Variants in IL1RAPL1 observed in about 807,000 individuals in gnomAD.
IL1RAPL1 encodes interleukin-1 receptor accessory protein-like 1.
Under a neutral mutation model 48.4 loss-of-function variants are expected in IL1RAPL1, and 3 were observed. The ratio of observed to expected loss-of-function variants is 0.06; its 90% confidence interval spans 0.03 to 0.16. The LOEUF (loss-of-function observed/expected upper bound fraction) is 0.16, where lower values mean the gene tolerates loss of function less well. Among genes scored for constraint, IL1RAPL1 ranks in the 10% least tolerant of loss-of-function variants. The pLI, the probability that IL1RAPL1 is intolerant of heterozygous loss-of-function variation, is 1.00. For synonymous variants in IL1RAPL1, 185 were observed against 187.7 expected (o/e 0.99, Z 0.12); for missense variants, 349 against 530.6 (o/e 0.66, Z 3.36).
chrX:28,827,629 A>G (rs1184422751), intron 2 of IL1RAPL1, among the ~76,000 whole-genome samples: 2 of 111,753 alleles, frequency 1.8e-5, no homozygotes, highest in Non-Finnish European at 3.8e-5. Flanking sequence ...TTATTTGTAC[A>G]TTTAATTAAT....
intron 3 of IL1RAPL1, among the ~76,000 whole-genome samples, chrX:29,295,750 C>A (rs1258253102): frequency 9.0e-6 from 1 of 111,477 alleles, no homozygotes; most frequent in East Asian, 2.8e-4. Flanking sequence ...AGATGAAACT[C>A]TGTCCATCAT....
intron 2 of IL1RAPL1, among the ~76,000 whole-genome samples, chrX:29,090,350 A>G (rs1160793579): frequency 8.9e-6 from 1 of 111,937 alleles, no homozygotes; most frequent in Non-Finnish European, 1.9e-5. Flanking sequence ...TCCAAATTGT[A>G]TCCTTTTGGA....
intron 2 of IL1RAPL1, among the ~76,000 whole-genome samples, chrX:29,193,523 A>G (rs1015606558): frequency 9.0e-6 from 1 of 111,108 alleles, no homozygotes; most frequent in Non-Finnish European, 1.9e-5. Context: ...CCCCCAATAC[A>G]TCGTAGATCT....
At chrX:28,952,573 T>C (rs1924499202) in intron 2 of IL1RAPL1, among the ~76,000 whole-genome samples, 1 of 111,422 alleles carries the variant, frequency 9.0e-6, no homozygotes, top group African/African-American at 3.2e-5. Flanking sequence ...ATTTTTATGT[T>C]TTTTTTCCAA....
At chrX:29,283,922 T>G (rs2147600504) in intron 3 of IL1RAPL1, among the ~76,000 whole-genome samples, 1 of 112,906 alleles carries the variant, frequency 8.9e-6, no homozygotes, top group African/African-American at 3.2e-5. Flanking sequence ...CATTCGCAGT[T>G]AAAAACCTCA....
intron 2 of IL1RAPL1, among the ~76,000 whole-genome samples, chrX:28,835,428 G>A (rs986003997): frequency 1.8e-5 from 2 of 111,494 alleles, no homozygotes; most frequent in Non-Finnish European, 3.8e-5. Flanking sequence ...CACTTGCTGG[G>A]TGAGCTGAAG....
chrX:29,844,782 A>G (rs892311174), intron 6 of IL1RAPL1, among the ~76,000 whole-genome samples: 1 of 112,154 alleles, frequency 8.9e-6, no homozygotes, highest in Non-Finnish European at 1.9e-5. Flanking sequence ...TCCAAAACCA[A>G]TCCTTCTTGG....
In IL1RAPL1 at chrX:29,954,668, G is replaced by T; in HGVS notation, c.1348G>T (p.Asp450Tyr). 8.3e-7 allele frequency: 1 copy of T among 1,201,710 alleles called. No homozygotes were observed. The highest frequency in any genetic ancestry group is 1.1e-6 in the Non-Finnish European group (1 of 886,187). Residue 450 changes from aspartate to tyrosine, a missense_variant, in exon 10 of 11, where the codon GAT becomes TAT. Asp to Tyr is a radical substitution (Grantham distance 160). Transcript: ENST00000378993. ...TTATGGATATAAGTTGTTTATACCA[G>T]ATAGAGATTTAATCCCAACTGGAAG... Reference protein sequence around the residue: ...KHYGYKLFIPDRDLIPTGTYI... With the variant: ...KHYGYKLFIPYRDLIPTGTYI...
At chrX:29,685,040 T>C (rs767903762) in intron 6 of IL1RAPL1, among the ~76,000 whole-genome samples, 7 of 112,696 alleles carry the variant, frequency 6.2e-5, no homozygotes, top group Non-Finnish European at 9.4e-5. Context: ...CAGCTAGTTA[T>C]TGTTTGAGCA....
chrX:28,855,020 GTTTA>G (rs1921768092), intron 2 of IL1RAPL1, among the ~76,000 whole-genome samples: 2 of 106,276 alleles, frequency 1.9e-5, no homozygotes, highest in South Asian at 4.5e-4. Context: ...TTTTTTGTTT[GTTTA>G]TTTGTTTGTT....
intron 2 of IL1RAPL1, among the ~76,000 whole-genome samples, chrX:29,051,584 G>C (rs1195121655): frequency 1.8e-5 from 2 of 112,350 alleles, no homozygotes; most frequent in African/African-American, 6.5e-5. Context: ...TCCGGCTGGG[G>C]ATCACGTAGC....
chrX:29,723,391 G>C (rs1325824968), intron 6 of IL1RAPL1, among the ~76,000 whole-genome samples: 2 of 111,875 alleles, frequency 1.8e-5, no homozygotes, highest in African/African-American at 6.5e-5. Flanking sequence ...TGGGATTACA[G>C]GCACTCGCCA....
chrX:28,819,967 G>GAGAT (rs1234558581), intron 2 of IL1RAPL1, among the ~76,000 whole-genome samples: 3 of 26,735 alleles, frequency 1.1e-4, no homozygotes, highest in African/African-American at 2.5e-4. Flanking sequence ...TAAACATAGT[G>GAGAT]ATATATATAT....
chrX:29,332,888 G>C (rs1411315007), intron 3 of IL1RAPL1, among the ~76,000 whole-genome samples: 1 of 108,455 alleles, frequency 9.2e-6, no homozygotes, highest in African/African-American at 3.3e-5. Context: ...GTTTAACAAA[G>C]CACATCTTGC....
intron 3 of IL1RAPL1, among the ~76,000 whole-genome samples, chrX:29,310,089 G>A (rs186008431): frequency 0.025 from 867 of 34,061 alleles, 20 homozygotes; most frequent in African/African-American, 0.089. Context: ...GCGAGACTCC[G>A]TCTCAAAAAA....
rs146895250 is a variant in IL1RAPL1 at position 29,063,709 on chromosome X, C to T, written c.83-219229C>T. 4.7e-3 allele frequency among the ~76,000 whole-genome samples: 528 copies of T among 111,364 alleles called. 2 individuals are homozygous for T. Among genetic ancestry groups the T allele is most frequent in the African/African-American group, 0.016 (493 of 30,676 alleles). ...TAATTCCTGTTGAGAGGGCAAAACA[C>T]GCGTAGTCCAGAACTGCATTTCTTT... On this transcript the variant is annotated intron_variant, in intron 2 of 10. Coordinates refer to ENST00000378993, the MANE Select transcript of IL1RAPL1 (RefSeq NM_014271.4).
At chrX:28,722,598 G>A (rs973582732) in intron 1 of IL1RAPL1, among the ~76,000 whole-genome samples, 7 of 111,212 alleles carry the variant, frequency 6.3e-5, no homozygotes, top group Admixed American at 2.9e-4. Context: ...TCTCCTGCCC[G>A]ATTGCCCTGG....
chrX:29,077,121 C>T (rs1442236511), intron 2 of IL1RAPL1, among the ~76,000 whole-genome samples: 1 of 111,891 alleles, frequency 8.9e-6, no homozygotes, highest in Non-Finnish European at 1.9e-5. Context: ...TGTATGGCCT[C>T]GAAGGCCATG....
At chrX:28,956,554 T>C (rs1394729706) in intron 2 of IL1RAPL1, among the ~76,000 whole-genome samples, 1 of 104,566 alleles carries the variant, frequency 9.6e-6, no homozygotes, top group Non-Finnish European at 2.0e-5. Flanking sequence ...GTTTATATGC[T>C]GGATTACATT....
Sources: allele counts gnomAD v4.1 joint callset (sites outside exome capture counted in the v4.1 genomes callset), GRCh38; gene constraint gnomAD v4.1.1; transcripts MANE v1.5; gene names NCBI Gene and HGNC (gene_info 2026-07-23, HGNC 2026-07-21).